The following CLU variants were observed in gnomAD, a reference collection of about 807,000 sequenced individuals.
CLU encodes the protein aging-associated protein 4.
A neutral mutation model predicts 46.4 loss-of-function variants in CLU; 25 were observed. The ratio of observed to expected loss-of-function variants is 0.54; its 90% CI spans 0.39 to 0.75. The LOEUF is 0.75. CLU is among the 30% of genes least tolerant of loss of function. CLU has a pLI of 0.00. For missense variants in CLU, 504 were observed against 592.1 expected, an observed-to-expected ratio of 0.85 and a Z score of 1.54; for synonymous variants, 235 against 235.1, an observed-to-expected ratio of 1.00 and a Z score of 0.00.
intron 4 of CLU, 81 bp downstream of exon 4, chr8:27,606,273 G>A (rs939908136): frequency 7.4e-6 from 11 of 1,493,428 alleles, no homozygotes; most frequent in African/African-American, 1.4e-5. Flanking sequence ...ATTGCATCTG[G>A]CATGCGGAAT....
intron 2 of CLU, among the ~76,000 whole-genome samples, chr8:27,609,447 T>C (rs1800882789): frequency 6.6e-6 from 1 of 151,904 alleles, no homozygotes; most frequent in South Asian, 2.1e-4. Flanking sequence ...TATAAAATAT[T>C]GTTATTTTGG....
rs975597636 is a variant in CLU at position 27,604,957 on chromosome 8, C to A, written c.796G>T (p.Ala266Ser). Residue 266 changes from alanine (A) to serine (S), a missense_variant, in exon 5 of 9, where the codon GCC (alanine) becomes TCC (serine). Physicochemically the swap from Ala to Ser is moderately conservative, Grantham distance 99. Around this residue, in one of 3 missense-constraint regions of CLU, gnomAD observed 428 missense variants for 484.0 expected, o/e 0.88. Transcript: ENST00000316403. ...AATTCTGTTGGCGGGTGCTGGAAGG[C>A]CGGGCTATGGAAGTGGATGTCCATG... ...QAMDIHFHSP[A>S]FQHPPTEFIR... The A allele has an allele frequency of 1.9e-6, 3 of 1,614,004 alleles. No homozygotes were observed. Among genetic ancestry groups the A allele is most frequent in the Non-Finnish European group, 2.5e-6 (3 of 1,180,018 alleles).
rs894815298 is a variant in CLU, at chr8:27,597,431, G to A, written c.*810C>T. The A allele has an allele frequency of 2.2e-6, 1 of 454,336 alleles. No homozygotes were observed. The highest frequency in any genetic ancestry group is 2.0e-5 in the African/African-American group (1 of 49,982). The allele number at this position is 454,336 out of a possible 1,614,324, so 28.1% of individuals were successfully genotyped here. A position where few individuals can be genotyped will look rare whatever the true frequency, so the allele number is the denominator to read the frequency against. On this transcript the variant is annotated 3_prime_UTR_variant, in exon 9 of 9. Coordinates refer to ENST00000316403, the MANE Select transcript of CLU (RefSeq NM_001831.4). ...TATGAAGATCATATAAACCGGCGGT[G>A]GACAGGAAATGCCACAGTCAAGAAG...
intron 6 of CLU, among the ~76,000 whole-genome samples, chr8:27,603,057 G>T (rs1396073460): frequency 6.6e-6 from 1 of 152,166 alleles, no homozygotes; most frequent in Non-Finnish European, 1.5e-5. Flanking sequence ...TGACTGATAA[G>T]ACTGGCGCTG....
In CLU at chr8:27,597,077, ATACT is replaced by A. The variant is rs1368050413; in HGVS notation, c.*1160_*1163del. ...GAATTTCCTTGACAGCCATGCTAAA[ATACT>A]TACCTTGGACATAAGCTAAGCTTTA... On this transcript the variant is annotated 3_prime_UTR_variant, in exon 9 of 9. Transcript: ENST00000316403. 2.2e-6 allele frequency: 1 copy of A among 454,034 alleles called. No homozygotes were observed. Among genetic ancestry groups the A allele is most frequent in the South Asian group, 1.6e-5 (1 of 64,476 alleles). The allele number at this position is 454,034 out of a possible 1,614,324, so 28.1% of individuals were successfully genotyped here.
intron 1 of CLU, chr8:27,614,428 G>C (rs563006663): frequency 1.1e-4 from 33 of 311,052 alleles, no homozygotes; most frequent in African/African-American, 7.3e-4. Flanking sequence ...ACAGAATTGT[G>C]GTTGGAGCTC....
At chr8:27,610,444 G>T (rs1800902338) in intron 2 of CLU, 31 bp downstream of exon 2, 1 of 1,567,542 alleles carries the variant, frequency 6.4e-7, no homozygotes, top group Non-Finnish European at 8.8e-7. Context: ...TCACCCTGTG[G>T]CCAGAGGAAC....
chr8:27,597,954 G>A lies in CLU; in HGVS notation c.*287C>T, dbSNP rs548777596. 8.6e-5 allele frequency: 55 copies of A among 635,976 alleles called. 1 individual carries two copies. The highest frequency in any genetic ancestry group is 3.3e-4 in the Admixed American group (16 of 47,848). 39.4% of individuals were successfully genotyped at this position (635,976 alleles called of 1,614,324 possible). The stretch of plus-strand genomic sequence containing the variant: ...CCCCATAGCAAAATGAAGGCATGCC[G>A]GGAAGCAGCAACTCAACATAAAAAG... On this transcript the variant is annotated 3_prime_UTR_variant, in exon 9 of 9. Transcript: ENST00000316403.
Position 27,604,994 on chromosome 8 carries a change from C to A in CLU, c.759G>T (p.Glu253Asp). The change falls in exon 5 of 9, where the codon GAG (glutamate) becomes GAT (aspartate). Residue 253 changes from glutamate to aspartate, a missense_variant. Coordinates refer to ENST00000316403, the MANE Select transcript of CLU (RefSeq NM_001831.4). ...AGTGGATGTCCATGGCCTGCTGAGC[C>A]TCGTGTATCATCTCAAGGAAGGGCT... ...MFQPFLEMIH[E>D]AQQAMDIHFH... The A allele has an allele frequency of 6.2e-7, 1 of 1,614,028 alleles. No individual in the cohort carries two copies. The highest frequency in any genetic ancestry group is 8.5e-7 in the Non-Finnish European group (1 of 1,179,986).
At chr8:27,607,748 A>C (rs1800847031) in intron 3 of CLU, among the ~76,000 whole-genome samples, 1 of 29,066 alleles carries the variant, frequency 3.4e-5, no homozygotes. Flanking sequence ...GTTAGTCTTC[A>C]AAAAAAAAAA....
chr8:27,607,993 C>T (rs1436137014), intron 3 of CLU, among the ~76,000 whole-genome samples: 1 of 152,158 alleles, frequency 6.6e-6, no homozygotes, highest in African/African-American at 2.4e-5. Flanking sequence ...GAATGTCAAA[C>T]TCCAGTGATA....
intron 3 of CLU, among the ~76,000 whole-genome samples, chr8:27,606,938 A>G (rs1436244709): frequency 6.6e-6 from 1 of 152,186 alleles, no homozygotes; most frequent in Non-Finnish European, 1.5e-5. Context: ...TATTGCAACC[A>G]TGCCTCCTGG....
At chr8:27,607,211 C>A (rs1377246597) in intron 3 of CLU, among the ~76,000 whole-genome samples, 1 of 152,118 alleles carries the variant, frequency 6.6e-6, no homozygotes, top group African/African-American at 2.4e-5. Flanking sequence ...GTGGTGCACA[C>A]CTGCACTCCC....
Position 27,614,671 on chromosome 8 carries a change from G to T in CLU, c.-46C>A, listed in dbSNP as rs145951206. On this transcript the variant is annotated 5_prime_UTR_variant, in exon 1 of 9. Transcript: ENST00000316403. ...ACATCTCACCGGTCAGCGGCACCCT[G>T]TGCCCGCGCGCTCCTCCTGGCGACG... 7 of 532,102 alleles carry T rather than the reference G, an allele frequency of 1.3e-5. No individual in the cohort carries two copies. The highest frequency in any genetic ancestry group is 2.7e-5 in the Non-Finnish European group (7 of 258,362). The allele number at this position is 532,102 out of a possible 1,614,324, so 33.0% of individuals were successfully genotyped here. A position where few individuals can be genotyped will look rare whatever the true frequency, so the allele number is the denominator to read the frequency against.
In CLU at chr8:27,606,223, T is replaced by C. The variant is rs991193371; in HGVS notation, c.417+131A>G. 2.1e-4 allele frequency: 209 copies of C among 994,852 alleles called. 1 individual carries two copies. Among genetic ancestry groups the C allele is most frequent in the Middle Eastern group, 1.5e-3 (5 of 3,312 alleles). The allele number at this position is 994,852 out of a possible 1,614,324, so 61.6% of individuals were successfully genotyped here. On this transcript the variant is annotated intron_variant, in intron 4 of 8. Coordinates refer to ENST00000316403, the MANE Select transcript of CLU (RefSeq NM_001831.4). ...CTCTACTCATGCCAGACATTACCAA[T>C]GGAGCATGGCACTCTGGGCAAGCCA...
intron 7 of CLU, 63 bp from the exon 8 acceptor site, chr8:27,598,698 A>C: frequency 2.6e-6 from 4 of 1,524,564 alleles, no homozygotes; most frequent in Admixed American, 3.3e-5. Context: ...TGCGCTCTGC[A>C]ACAGAAGTCA....
chr8:27,599,833 G>C lies in CLU; in HGVS notation c.1111C>G (p.Arg371Gly). The C allele has an allele frequency of 6.2e-7, 1 of 1,613,990 alleles. No individual in the cohort carries two copies. The highest frequency in any genetic ancestry group is 8.5e-7 in the Non-Finnish European group (1 of 1,179,946). Reference sequence around the variant, plus strand: ...TCGCCTTGCGTGAGGTTTGCCAGCCGGGACACCCAGTTAAACTGCTCGTTC... The same window carrying C: ...TCGCCTTGCGTGAGGTTTGCCAGCCCGGACACCCAGTTAAACTGCTCGTTC... The part of the protein sequence containing the change: ...QLNEQFNWVS[R>G]LANLTQGEDQ... Residue 371 changes from arginine to glycine, a missense_variant, in exon 7 of 9, where the codon CGG (arginine) becomes GGG (glycine). By Grantham distance (125) the Arg-to-Gly change is moderately radical (BLOSUM62 -2). Transcript: ENST00000316403. This position sits in a 1 kb window ranked among gnomAD's most constrained non-coding sequence, Gnocchi z 4.0.
Position 27,604,978 on chromosome 8 carries a change from C to T in CLU, c.775G>A (p.Asp259Asn). The T allele has an allele frequency of 6.2e-7, 1 of 1,614,088 alleles. No individual in the cohort carries two copies. Among genetic ancestry groups the T allele is most frequent in the Non-Finnish European group, 8.5e-7 (1 of 1,180,014 alleles). ...AAGGCCGGGCTATGGAAGTGGATGT[C>T]CATGGCCTGCTGAGCCTCGTGTATC... is the stretch of plus-strand genomic sequence containing the variant. ...EMIHEAQQAM[D>N]IHFHSPAFQH... Residue 259 changes from aspartate to asparagine, a missense_variant, in exon 5 of 9, where the codon GAC (aspartate) becomes AAC (asparagine). Around this residue, in one of 3 missense-constraint regions of CLU, gnomAD observed 428 missense variants for 484.0 expected, o/e 0.88. Coordinates refer to ENST00000316403, the MANE Select transcript of CLU (RefSeq NM_001831.4).
intron 3 of CLU, among the ~76,000 whole-genome samples, chr8:27,607,748 A>AG (rs1800847248): frequency 3.4e-5 from 1 of 29,066 alleles, no homozygotes; most frequent in Non-Finnish European, 5.8e-5. Context: ...GTTAGTCTTC[A>AG]AAAAAAAAAA....
Sources: allele counts gnomAD v4.1 joint callset (sites outside exome capture counted in the v4.1 genomes callset), GRCh38; gene constraint gnomAD v4.1.1; regional missense constraint gnomAD v4.1.1; non-coding constraint Gnocchi (gnomAD v3.1); transcripts MANE v1.5; gene names NCBI Gene and HGNC (gene_info 2026-07-23, HGNC 2026-07-21).